AKAP13: variants seen among roughly 807,000 people sequenced by gnomAD.
AKAP13 encodes A-kinase anchor protein 13.
Under a neutral mutation model 264.5 loss-of-function variants are expected in AKAP13, and 80 were observed. The observed-to-expected ratio is 0.30, with a 90% CI of 0.25 to 0.36. The LOEUF (loss-of-function observed/expected upper bound fraction) is 0.36, where lower values mean the gene tolerates loss of function less well. Ranked by LOEUF, AKAP13 falls within the 10% of genes least tolerant of loss-of-function variation. The probability of loss-of-function intolerance (pLI) is 1.00; values close to 1 mark genes in which losing one functional copy is unlikely to be tolerated. For synonymous variants in AKAP13, 1,380 were observed against 1,250.2 expected, an observed-to-expected ratio of 1.10 and a Z score of -2.19; for missense variants, 3,712 against 3,435.2, an observed-to-expected ratio of 1.08 and a Z score of -2.01.
chr15:85,725,430 T>TA (rs199729657), intron 26 of AKAP13, among the ~76,000 whole-genome samples: 8 of 149,902 alleles, frequency 5.3e-5, no homozygotes, highest in Non-Finnish European at 8.9e-5. Context: ...AAGTAAACTT[T>TA]AAAAAAAAAA....
At chr15:85,497,971 A>T (rs1228256477) in intron 2 of AKAP13, among the ~76,000 whole-genome samples, 1 of 149,660 alleles carries the variant, frequency 6.7e-6, no homozygotes, top group African/African-American at 2.4e-5. Flanking sequence ...AGATCTGGGG[A>T]TGATGAAGCT....
chr15:85,644,273 C>T (rs893053708), intron 9 of AKAP13, among the ~76,000 whole-genome samples: 1 of 148,804 alleles, frequency 6.7e-6, no homozygotes, highest in East Asian at 2.0e-4. Context: ...TCTCTGTCAC[C>T]TAGGCTGGAG....
rs10693195 is a variant in AKAP13, at chr15:85,553,084, CT to C, written c.662+9147del. ...TTAATATAATCTAACATCTGTAATT[CT>C]TTTTTTTTTTTTTTTTTGGAGACGG... On this transcript the variant is annotated intron_variant, in intron 5 of 36. Transcript: ENST00000394518. Among the ~76,000 whole-genome samples, 851 of 120,366 alleles carry C rather than the reference CT, an allele frequency of 7.1e-3. 1 individual carries two copies. The highest frequency in any genetic ancestry group is 0.017 in the East Asian group (71 of 4,154). 79.0% of individuals were successfully genotyped at this position (120,366 alleles called of 152,430 possible).
At chr15:85,540,763 A>T (rs1428169795) in intron 4 of AKAP13, among the ~76,000 whole-genome samples, 3 of 152,250 alleles carry the variant, frequency 2.0e-5, no homozygotes, top group Non-Finnish European at 4.4e-5. Flanking sequence ...CTACAAACCT[A>T]ATTCACATGA....
chr15:85,562,319 G>C (rs1355160648), intron 5 of AKAP13, among the ~76,000 whole-genome samples: 7 of 151,766 alleles, frequency 4.6e-5, no homozygotes, highest in African/African-American at 1.7e-4. Context: ...AATCCCAGCA[G>C]TTTGGGAGGC....
At chr15:85,439,067 C>T (rs932298254) in intron 1 of AKAP13, among the ~76,000 whole-genome samples, 1 of 151,146 alleles carries the variant, frequency 6.6e-6, no homozygotes, top group African/African-American at 2.4e-5. Context: ...GCAACCTACT[C>T]ATCTGACAAA....
At position 85,607,661 on chromosome 15, in the gene AKAP13, G is replaced by A. The variant is rs539298228; in HGVS notation, c.4161+21838G>A. ...GATGTTTCCTGTATGAGACATCTCT[G>A]CTAGTATGTATTTAAGTAAAGGAGC... On this transcript the variant is annotated intron_variant, in intron 8 of 36. Coordinates refer to ENST00000394518, the MANE Select transcript of AKAP13 (RefSeq NM_007200.5). 1.1e-4 allele frequency among the ~76,000 whole-genome samples: 16 copies of A among 151,704 alleles called. No individual in the cohort carries two copies. The South Asian group carries it at 3.3e-3, about 32-fold the overall frequency.
At chr15:85,553,062 A>G (rs937192241) in intron 5 of AKAP13, among the ~76,000 whole-genome samples, 5 of 151,142 alleles carry the variant, frequency 3.3e-5, no homozygotes, top group Non-Finnish European at 7.4e-5. Flanking sequence ...TAGAGTTTTA[A>G]TATAATCTAA....
chr15:85,585,678 T>C (rs2079310969), intron 7 of AKAP13, 24 bp from the exon 8 acceptor site: 1 of 1,613,794 alleles, frequency 6.2e-7, no homozygotes, highest in East Asian at 2.2e-5. Flanking sequence ...AAAAATGTAC[T>C]CTGTAACCCC....
intron 17 of AKAP13, among the ~76,000 whole-genome samples, chr15:85,696,348 G>C (rs1388635960): frequency 3.3e-5 from 5 of 152,168 alleles, no homozygotes; most frequent in Admixed American, 3.3e-4. Context: ...CCCATCTCCT[G>C]AGTGAAGAAT....
intron 2 of AKAP13, among the ~76,000 whole-genome samples, chr15:85,504,890 GCTCTTGCTCTC>G: frequency 6.6e-6 from 1 of 151,108 alleles, no homozygotes; most frequent in Non-Finnish European, 1.5e-5. Context: ...TTGCTCTCTC[GCTCTTGCTCTC>G]CCTCGCACCC....
chr15:85,450,310 T>C (rs2074039249), intron 1 of AKAP13, among the ~76,000 whole-genome samples: 1 of 151,818 alleles, frequency 6.6e-6, no homozygotes, highest in Non-Finnish European at 1.5e-5. Context: ...TTCTCTCTTT[T>C]CTTCTTAATT....
chr15:85,547,972 T>G (rs1372582985), intron 5 of AKAP13, among the ~76,000 whole-genome samples: 1 of 152,160 alleles, frequency 6.6e-6, no homozygotes, highest in East Asian at 1.9e-4. Flanking sequence ...GACCCCAGTT[T>G]GCAGGCTCTT....
chr15:85,631,764 G>A (rs1016938635), intron 8 of AKAP13, among the ~76,000 whole-genome samples: 1 of 152,076 alleles, frequency 6.6e-6, no homozygotes, highest in Admixed American at 6.6e-5. Context: ...GGAACTTTCT[G>A]TGCTGTCTTT....
At chr15:85,392,646 T>A (rs1315166598) in intron 1 of AKAP13, among the ~76,000 whole-genome samples, 1 of 152,162 alleles carries the variant, frequency 6.6e-6, no homozygotes, top group African/African-American at 2.4e-5. Flanking sequence ...GTTTAAGTGG[T>A]CCTCCCACTC....
At chr15:85,552,651 G>A (rs1274213228) in intron 5 of AKAP13, among the ~76,000 whole-genome samples, 5 of 116,508 alleles carry the variant, frequency 4.3e-5, no homozygotes, top group Non-Finnish European at 6.7e-5. Flanking sequence ...TTTTTGAGAC[G>A]GAGTCTCGTT....
intron 1 of AKAP13, among the ~76,000 whole-genome samples, chr15:85,411,153 G>A (rs2071944538): frequency 6.6e-6 from 1 of 152,210 alleles, no homozygotes; most frequent in African/African-American, 2.4e-5. Context: ...AGCAACAATG[G>A]GTGAAGCTGC....
rs149565716 is a variant in AKAP13, at chr15:85,525,227, T to G, written c.181+3652T>G. ...TGCCCACCACCACACCTGGCTAATTTTTTTGTATTTTTAGTAGAGACAGGG... is the reference window on the plus strand; with the variant it reads ...TGCCCACCACCACACCTGGCTAATTGTTTTGTATTTTTAGTAGAGACAGGG... On this transcript the variant is annotated intron_variant, in intron 3 of 36. Coordinates refer to ENST00000394518, the MANE Select transcript of AKAP13 (RefSeq NM_007200.5). Among the ~76,000 whole-genome samples, 818 of 151,908 alleles carry G rather than the reference T, an allele frequency of 5.4e-3. 8 individuals are homozygous for G. Among genetic ancestry groups the G allele is most frequent in the African/African-American group, 0.019 (795 of 41,426 alleles).
intron 1 of AKAP13, among the ~76,000 whole-genome samples, chr15:85,409,923 G>C (rs997761586): frequency 6.6e-6 from 1 of 151,544 alleles, no homozygotes; most frequent in Non-Finnish European, 1.5e-5. Flanking sequence ...GAGACACCGC[G>C]CCTGGCCTGA....
Sources: gnomAD v4.1 joint callset for allele counts (sites outside exome capture counted in the v4.1 genomes callset) on GRCh38, gnomAD v4.1.1 for gene constraint, MANE v1.5 for transcripts, NCBI Gene and HGNC (gene_info 2026-07-23, HGNC 2026-07-21) for gene names.